ANKS1A: variants seen among roughly 807,000 people sequenced by gnomAD.
ANKS1A encodes the protein ankyrin repeat and SAM domain-containing protein 1A.
A neutral mutation model predicts 120.3 loss-of-function variants in ANKS1A; 55 were observed. The observed-to-expected ratio is 0.46, with a 90% CI of 0.37 to 0.57. The LOEUF is 0.57. ANKS1A is among the 20% of genes least tolerant of loss of function. The pLI is 0.00. For synonymous variants in ANKS1A, 590 were observed against 604.7 expected, an observed-to-expected ratio of 0.98 and a Z score of 0.36; for missense variants, 1,123 against 1,480.3, an observed-to-expected ratio of 0.76 and a Z score of 3.96.
intron 3 of ANKS1A, among the ~76,000 whole-genome samples, chr6:34,977,877 T>C: frequency 6.6e-6 from 1 of 152,168 alleles, no homozygotes; most frequent in East Asian, 1.9e-4. Context: ...GGGGTAAGTG[T>C]GCAGTTGGGC....
chr6:34,930,366 C>T (rs147004297), intron 1 of ANKS1A, among the ~76,000 whole-genome samples: 2,564 of 152,266 alleles, frequency 0.017, 32 homozygotes, highest in Non-Finnish European at 0.027. Flanking sequence ...GAAGCTTCAG[C>T]AGGAAGGAAG....
At chr6:34,969,127 A>G (rs1475603290) in intron 2 of ANKS1A, among the ~76,000 whole-genome samples, 3 of 152,180 alleles carry the variant, frequency 2.0e-5, no homozygotes, top group Non-Finnish European at 4.4e-5. Context: ...CCTCACATTC[A>G]TAGGGATAAT....
chr6:35,043,056 G>C (rs1325304813), intron 11 of ANKS1A, among the ~76,000 whole-genome samples: 1 of 149,412 alleles, frequency 6.7e-6, no homozygotes. Context: ...TTTTGCCTTC[G>C]TGCCTTACAG....
intron 1 of ANKS1A, among the ~76,000 whole-genome samples, chr6:34,921,828 C>G (rs958271153): frequency 6.6e-6 from 1 of 152,092 alleles, no homozygotes; most frequent in South Asian, 2.1e-4. Flanking sequence ...TTCTGAGTAG[C>G]TAGGACTGAG....
intron 1 of ANKS1A, among the ~76,000 whole-genome samples, chr6:34,957,646 C>G (rs145328096): frequency 2.0e-5 from 3 of 152,172 alleles, no homozygotes; most frequent in Non-Finnish European, 4.4e-5. Flanking sequence ...TCTCTTCCCC[C>G]TCAAGTTTAT....
intron 23 of ANKS1A, 101 bp downstream of exon 23, chr6:35,087,150 C>T: frequency 8.0e-7 from 1 of 1,243,404 alleles, no homozygotes; most frequent in Non-Finnish European, 1.2e-6. Context: ...CTCTCTCCTT[C>T]CAGCTGCTGA....
intron 1 of ANKS1A, among the ~76,000 whole-genome samples, chr6:34,899,701 A>G (rs7739385): frequency 0.15 from 22,835 of 152,148 alleles, 2,058 homozygotes; most frequent in African/African-American, 0.25. Context: ...AGACTTTCTG[A>G]TGTGGTTTTT....
intron 10 of ANKS1A, among the ~76,000 whole-genome samples, chr6:35,004,884 CTA>C (rs1028303561): frequency 6.6e-6 from 1 of 152,186 alleles, no homozygotes; most frequent in Non-Finnish European, 1.5e-5. Context: ...ACAAAAGTGA[CTA>C]TGTGAAATTC....
chr6:35,062,416 A>G (rs1776555881), intron 13 of ANKS1A, among the ~76,000 whole-genome samples: 1 of 152,244 alleles, frequency 6.6e-6, no homozygotes, highest in Non-Finnish European at 1.5e-5. Flanking sequence ...TGTTATTGAA[A>G]TATTCCCTCA....
intron 1 of ANKS1A, among the ~76,000 whole-genome samples, chr6:34,918,263 G>A (rs1323727753): frequency 6.6e-6 from 1 of 152,186 alleles, no homozygotes; most frequent in African/African-American, 2.4e-5. Flanking sequence ...GTGGTTCGGA[G>A]TATGGTTTCT....
chr6:35,083,081 G>A, intron 18 of ANKS1A, 74 bp from the exon 19 acceptor site: 1 of 1,571,748 alleles, frequency 6.4e-7, no homozygotes, highest in Non-Finnish European at 8.7e-7. Context: ...TTGTGGGACA[G>A]TCCCAAATTG....
At chr6:35,034,558 T>A (rs1431760067) in intron 11 of ANKS1A, among the ~76,000 whole-genome samples, 1 of 152,218 alleles carries the variant, frequency 6.6e-6, no homozygotes, top group Non-Finnish European at 1.5e-5. Flanking sequence ...CCTTGTCAAA[T>A]TTGTGGCTGT....
chr6:34,980,816 T>C (rs1450802414), intron 3 of ANKS1A, among the ~76,000 whole-genome samples: 16 of 152,250 alleles, frequency 1.1e-4, no homozygotes, highest in Admixed American at 1.0e-3. Flanking sequence ...TGGTGGTTGA[T>C]AAAGCACACA....
intron 1 of ANKS1A, among the ~76,000 whole-genome samples, chr6:34,923,284 A>G (rs1327862030): frequency 1.3e-5 from 2 of 152,222 alleles, no homozygotes; most frequent in African/African-American, 2.4e-5. Context: ...GCTATCAAGT[A>G]TAGAATACTG....
chr6:34,924,578 C>G (rs947108528), intron 1 of ANKS1A, among the ~76,000 whole-genome samples: 2 of 152,216 alleles, frequency 1.3e-5, no homozygotes, highest in South Asian at 4.2e-4. Context: ...ATTTCCAAAT[C>G]GGTGACTCCT....
rs527792697 is a variant in ANKS1A at position 34,947,391 on chromosome 6, C to T, written c.198-19848C>T. 5.6e-4 allele frequency among the ~76,000 whole-genome samples: 85 copies of T among 152,240 alleles called. 1 individual carries two copies. Among genetic ancestry groups the T allele is most frequent in the Middle Eastern group, 3.4e-3 (1 of 294 alleles). On this transcript the variant is annotated intron_variant, in intron 1 of 23. Transcript: ENST00000360359. ...CGAACTCCTGACCTCAAGTGATCTG[C>T]CTGTCTTGGCCTTCCAAAGTGCTGG... is the stretch of plus-strand genomic sequence containing the variant.
intron 1 of ANKS1A, among the ~76,000 whole-genome samples, chr6:34,930,293 G>C (rs1029219190): frequency 1.3e-5 from 2 of 152,102 alleles, no homozygotes; most frequent in African/African-American, 4.8e-5. Context: ...CATCTCTCCT[G>C]GGCTATGTTT....
chr6:35,036,356 G>A (rs16896559), intron 11 of ANKS1A, among the ~76,000 whole-genome samples: 7,023 of 152,226 alleles, frequency 0.046, 323 homozygotes, highest in African/African-American at 0.11. Flanking sequence ...GAGATGCTGC[G>A]TTGGTTTTCA....
At chr6:34,963,568 G>A (rs1358508347) in intron 1 of ANKS1A, among the ~76,000 whole-genome samples, 1 of 152,196 alleles carries the variant, frequency 6.6e-6, no homozygotes, top group Non-Finnish European at 1.5e-5. Context: ...TGTGAGTAAT[G>A]CTGCAATGAG....
Sources: allele counts gnomAD v4.1 joint callset (sites outside exome capture counted in the v4.1 genomes callset), GRCh38; gene constraint gnomAD v4.1.1; transcripts MANE v1.5; gene names NCBI Gene and HGNC (gene_info 2026-07-23, HGNC 2026-07-21).